The following ATAD1 variants were observed in gnomAD, a reference collection of about 807,000 sequenced individuals.
ATAD1 encodes the protein outer mitochondrial transmembrane helix translocase.
A neutral mutation model predicts 42.7 loss-of-function variants in ATAD1; 18 were observed. That is an observed-to-expected ratio of 0.42 (90% CI 0.29 to 0.63). The LOEUF is 0.63. Ranked by LOEUF, ATAD1 falls within the 20% of genes least tolerant of loss-of-function variation. The pLI is 0.19. For missense variants in ATAD1, 294 were observed against 440.4 expected (o/e 0.67, Z 2.98); for synonymous variants, 132 against 143.1 (o/e 0.92, Z 0.55).
intron 2 of ATAD1, among the ~76,000 whole-genome samples, chr10:87,806,889 G>A (rs1008070355): frequency 6.6e-6 from 1 of 152,126 alleles, no homozygotes; most frequent in Non-Finnish European, 1.5e-5. Context: ...CTTAGCCAGA[G>A]GAATCTGCAT....
intron 2 of ATAD1, among the ~76,000 whole-genome samples, chr10:87,805,068 T>A (rs1433053988): frequency 4.6e-5 from 7 of 152,188 alleles, no homozygotes; most frequent in African/African-American, 7.2e-5. Context: ...CTACCTCTCA[T>A]CTCAAAACCG....
In ATAD1 at chr10:87,753,997, C is replaced by T. The variant is rs1854115288; in HGVS notation, c.*690G>A. 2 of 152,208 alleles carry T rather than the reference C, an allele frequency of 1.3e-5. No homozygotes were observed. The highest frequency in any genetic ancestry group is 6.5e-5 in the Admixed American group (1 of 15,268). 9.4% of individuals were successfully genotyped at this position (152,208 alleles called of 1,614,324 possible). On this transcript the variant is annotated 3_prime_UTR_variant, in exon 10 of 10. Coordinates refer to ENST00000680024, the MANE Select transcript of ATAD1 (RefSeq NM_001321967.2). ...CAACCATTCAATGCTGATCACTGAACTAGTATTTTCATTTGATTATCCTGA... is the reference window on the plus strand; with the variant it reads ...CAACCATTCAATGCTGATCACTGAATTAGTATTTTCATTTGATTATCCTGA...
At chr10:87,812,989 A>ATAT (rs1406697738) in intron 2 of ATAD1, among the ~76,000 whole-genome samples, 2 of 152,192 alleles carry the variant, frequency 1.3e-5, no homozygotes, top group Non-Finnish European at 2.9e-5. Flanking sequence ...ATTATAATTT[A>ATAT]TATTATCATG....
intron 8 of ATAD1, among the ~76,000 whole-genome samples, chr10:87,762,749 G>GT (rs1854542227): frequency 6.6e-6 from 1 of 151,140 alleles, no homozygotes; most frequent in Non-Finnish European, 1.5e-5. Flanking sequence ...ATTACACAAT[G>GT]TTTTTTTGAA....
intron 2 of ATAD1, among the ~76,000 whole-genome samples, chr10:87,794,660 T>C (rs1856294781): frequency 1.3e-5 from 2 of 152,166 alleles, no homozygotes; most frequent in Admixed American, 1.3e-4. Flanking sequence ...CAAATAATTA[T>C]TGGCCCAAAA....
At chr10:87,755,604 C>T (rs1854183035) in intron 9 of ATAD1, among the ~76,000 whole-genome samples, 1 of 152,020 alleles carries the variant, frequency 6.6e-6, no homozygotes, top group African/African-American at 2.4e-5. Context: ...TCCTCTTAAT[C>T]TTATATATAA....
At chr10:87,802,113 T>C (rs917054449) in intron 2 of ATAD1, among the ~76,000 whole-genome samples, 27 of 152,362 alleles carry the variant, frequency 1.8e-4, no homozygotes, top group African/African-American at 6.5e-4. Flanking sequence ...TCTTAACTTA[T>C]GGCAATACAG....
At chr10:87,814,884 G>A in intron 1 of ATAD1, 1 of 202,116 alleles carries the variant, frequency 4.9e-6, no homozygotes, top group Non-Finnish European at 9.9e-6. Flanking sequence ...GAAAAATACA[G>A]TAAATATCTT....
intron 6 of ATAD1, among the ~76,000 whole-genome samples, chr10:87,774,762 G>C (rs924726118): frequency 6.6e-6 from 1 of 152,098 alleles, no homozygotes; most frequent in Non-Finnish European, 1.5e-5. Flanking sequence ...ACCAGCCTGA[G>C]CAAGATAATG....
chr10:87,819,356 G>A (rs1387774659), upstream of ATAD1: 2 of 151,902 alleles, frequency 1.3e-5, no homozygotes, highest in African/African-American at 2.4e-5. Context: ...GGAGGCTGAG[G>A]TGGGAGAATC....
intron 2 of ATAD1, among the ~76,000 whole-genome samples, chr10:87,813,606 T>C (rs1276110224): frequency 2.0e-5 from 3 of 152,050 alleles, no homozygotes; most frequent in East Asian, 1.9e-4. Flanking sequence ...CAATAGCCTA[T>C]AGCATTTTGA....
intron 5 of ATAD1, among the ~76,000 whole-genome samples, chr10:87,782,277 G>C (rs1855602612): frequency 6.6e-6 from 1 of 152,168 alleles, no homozygotes; most frequent in Non-Finnish European, 1.5e-5. Context: ...AGAGAAAGTA[G>C]AATTAACACA....
chr10:87,791,377 A>C (rs1005133508), intron 3 of ATAD1, among the ~76,000 whole-genome samples: 15 of 152,114 alleles, frequency 9.9e-5, no homozygotes, highest in Middle Eastern at 3.2e-3. Flanking sequence ...CAGAAGCAAT[A>C]CTTTACAATA....
intron 1 of ATAD1, among the ~76,000 whole-genome samples, chr10:87,837,034 TA>T (rs1857943637): frequency 6.6e-6 from 1 of 152,228 alleles, no homozygotes; most frequent in Non-Finnish European, 1.5e-5. Context: ...ATTTTTTTAT[TA>T]TTTTTTGCAT....
intron 1 of ATAD1, among the ~76,000 whole-genome samples, chr10:87,824,402 T>C (rs1244231906): frequency 6.6e-6 from 1 of 152,130 alleles, no homozygotes; most frequent in Non-Finnish European, 1.5e-5. Flanking sequence ...CAGACCTGGG[T>C]TTGAATTTAA....
At chr10:87,826,915 A>C (rs878970188) in intron 1 of ATAD1, among the ~76,000 whole-genome samples, 1 of 152,150 alleles carries the variant, frequency 6.6e-6, no homozygotes, top group African/African-American at 2.4e-5. Flanking sequence ...TCATAGGCCA[A>C]AAAGAGAAGA....
At chr10:87,788,763 A>T (rs79900954) in intron 4 of ATAD1, among the ~76,000 whole-genome samples, 4,014 of 152,350 alleles carry the variant, frequency 0.026, 170 homozygotes, top group African/African-American at 0.09. Flanking sequence ...AAAAATGCAG[A>T]AAAGTCATTT....
At chr10:87,811,012 T>C (rs1238442617) in intron 2 of ATAD1, among the ~76,000 whole-genome samples, 1 of 152,164 alleles carries the variant, frequency 6.6e-6, no homozygotes, top group African/African-American at 2.4e-5. Context: ...CTGCATTCTT[T>C]ACTTTGTTGA....
chr10:87,771,054 A>C lies in ATAD1; in HGVS notation c.691-13T>G. 6.3e-7 allele frequency: 1 copy of C among 1,594,568 alleles called. No homozygotes were observed. The highest frequency in any genetic ancestry group is 1.1e-5 in the South Asian group (1 of 90,316). ...CCATTACTATGACCTAAGTGTATAA[A>C]GAAGACAGAAGGTATTAAATCTACC... On this transcript the variant is annotated splice_polypyrimidine_tract_variant and intron_variant, in intron 6 of 9. Transcript: ENST00000680024.
Sources: gnomAD v4.1 joint callset for allele counts (sites outside exome capture counted in the v4.1 genomes callset) on GRCh38, gnomAD v4.1.1 for gene constraint, MANE v1.5 for transcripts, NCBI Gene and HGNC (gene_info 2026-07-23, HGNC 2026-07-21) for gene names.